The following TENM2 variants were observed in gnomAD, a reference collection of about 807,000 sequenced individuals.
The protein encoded by TENM2 is teneurin transmembrane protein 2.
A neutral mutation model predicts 245.2 loss-of-function variants in TENM2; 52 were observed. The observed-to-expected ratio is 0.21, with a 90% confidence interval of 0.17 to 0.27. TENM2 has a LOEUF of 0.27. Ranked by LOEUF, TENM2 falls within the 10% of genes least tolerant of loss-of-function variation. The pLI, the probability that TENM2 is intolerant of heterozygous loss-of-function variation, is 1.00. For synonymous variants in TENM2, 1,363 were observed against 1,438.9 expected (o/e 0.95, Z 1.19); for missense variants, 3,046 against 3,666.8 (o/e 0.83, Z 4.37).
chr5:167,954,903 T>C (rs1466765301), intron 4 of TENM2, among the ~76,000 whole-genome samples: 1 of 152,248 alleles, frequency 6.6e-6, no homozygotes, highest in Non-Finnish European at 1.5e-5. Flanking sequence ...GTCTCTGCTA[T>C]TGTGAATAGT....
At chr5:167,334,338 C>A (rs1757634439) in intron 1 of TENM2, among the ~76,000 whole-genome samples, 1 of 152,168 alleles carries the variant, frequency 6.6e-6, no homozygotes, top group Non-Finnish European at 1.5e-5. Context: ...GACTGAATGA[C>A]AGTAAAATTT....
chr5:167,390,826 A>G (rs1212709129), intron 2 of TENM2, among the ~76,000 whole-genome samples: 1 of 152,194 alleles, frequency 6.6e-6, no homozygotes, highest in Non-Finnish European at 1.5e-5. Flanking sequence ...GCTATGAACA[A>G]CAAGGCACGT....
chr5:167,929,593 G>A lies in TENM2; in HGVS notation c.713-22995G>A, dbSNP rs186797930. 1.6e-3 allele frequency among the ~76,000 whole-genome samples: 243 copies of A among 152,170 alleles called. 2 individuals carry two copies. The highest frequency in any genetic ancestry group is 6.9e-4 in the Non-Finnish European group (47 of 67,998). ...TTATTAGCATCACAATCAGGCTCAG[G>A]CATACAATAGATGCTTCATAAGTGG... On this transcript the variant is annotated intron_variant, in intron 3 of 28. Coordinates refer to ENST00000518659, the Ensembl canonical transcript of TENM2.
At chr5:167,004,770 G>T in the TENM2 span, among the ~76,000 whole-genome samples, 4 of 152,148 alleles carry the variant, frequency 2.6e-5, no homozygotes, top group Non-Finnish European at 5.9e-5. Context: ...GCTCCACTGG[G>T]TTAGAAGGGC....
intron 2 of TENM2, among the ~76,000 whole-genome samples, chr5:167,825,477 T>G (rs1334272788): frequency 6.6e-6 from 1 of 152,188 alleles, no homozygotes; most frequent in Non-Finnish European, 1.5e-5. Context: ...GAAGGGAGGC[T>G]GGGGAGGATG....
chr5:166,979,198 CAGCAGCAGCAGCAGCAGCAG>C, the TENM2 span, among the ~76,000 whole-genome samples: 6 of 38,894 alleles, frequency 1.5e-4, no homozygotes, highest in Admixed American at 6.1e-4. Flanking sequence ...CCACCACCAG[CAGCAGCAGCAGCAGCAGCAG>C]CAGCAGCAGC....
chr5:167,495,101 G>A (rs1035431796), intron 2 of TENM2, among the ~76,000 whole-genome samples: 2 of 152,012 alleles, frequency 1.3e-5, no homozygotes, highest in Non-Finnish European at 2.9e-5. Context: ...AAGGCCTCAA[G>A]ATCAAAATTT....
chr5:167,595,165 C>T (rs1170067476), intron 2 of TENM2, among the ~76,000 whole-genome samples: 3 of 152,116 alleles, frequency 2.0e-5, no homozygotes, highest in Non-Finnish European at 4.4e-5. Flanking sequence ...CTCAAGACAG[C>T]CTCTCACTTA....
At chr5:167,864,924 AT>A (rs1212426883) in intron 2 of TENM2, among the ~76,000 whole-genome samples, 2 of 152,254 alleles carry the variant, frequency 1.3e-5, no homozygotes, top group African/African-American at 4.8e-5. Context: ...AGAAGTGAAC[AT>A]AAAAATGAGT....
the TENM2 span, among the ~76,000 whole-genome samples, chr5:167,139,497 G>T: frequency 6.6e-6 from 1 of 152,224 alleles, no homozygotes; most frequent in Non-Finnish European, 1.5e-5. Context: ...ACTCTAAACT[G>T]CAAACAAATT....
chr5:167,694,712 C>T (rs552890072), intron 2 of TENM2, among the ~76,000 whole-genome samples: 27 of 152,120 alleles, frequency 1.8e-4, no homozygotes, highest in Non-Finnish European at 3.5e-4. Context: ...AGCTCTTAAT[C>T]TCTTGGTGTG....
At chr5:167,786,741 ACT>A (rs1389519314) in intron 2 of TENM2, among the ~76,000 whole-genome samples, 1 of 152,066 alleles carries the variant, frequency 6.6e-6, no homozygotes, top group African/African-American at 2.4e-5. Flanking sequence ...TCCACTTCAC[ACT>A]CTGTTTGTTC....
chr5:167,145,977 G>C, the TENM2 span, among the ~76,000 whole-genome samples: 1 of 152,038 alleles, frequency 6.6e-6, no homozygotes, highest in Non-Finnish European at 1.5e-5. Context: ...CCTCTGTCCT[G>C]GGGTGGAACT....
intron 2 of TENM2, among the ~76,000 whole-genome samples, chr5:167,770,888 G>A (rs1202368126): frequency 6.6e-6 from 1 of 152,094 alleles, no homozygotes; most frequent in East Asian, 1.9e-4. Flanking sequence ...CCACTGGGGA[G>A]GACCATGGCT....
chr5:167,462,607 C>T (rs1432539088), intron 2 of TENM2, among the ~76,000 whole-genome samples: 2 of 152,070 alleles, frequency 1.3e-5, no homozygotes, highest in African/African-American at 2.4e-5. Context: ...TATGATCTTC[C>T]CATGGCCAAT....
At chr5:167,176,192 T>C in the TENM2 span, among the ~76,000 whole-genome samples, 1 of 152,232 alleles carries the variant, frequency 6.6e-6, no homozygotes, top group African/African-American at 2.4e-5. Flanking sequence ...TAGAATATTC[T>C]CTGTAGGAAC....
intron 5 of TENM2, among the ~76,000 whole-genome samples, chr5:168,037,153 T>C (rs760131534): frequency 6.6e-5 from 10 of 152,190 alleles, no homozygotes; most frequent in Non-Finnish European, 1.3e-4. Context: ...TCAAATCCAA[T>C]TTGCTAATAC....
At chr5:168,153,684 G>A (rs1247607660) in intron 12 of TENM2, among the ~76,000 whole-genome samples, 1 of 152,218 alleles carries the variant, frequency 6.6e-6, no homozygotes, top group African/African-American at 2.4e-5. Context: ...GAAAGCAGAG[G>A]CTTTCACATT....
chr5:166,998,061 T>C, the TENM2 span, among the ~76,000 whole-genome samples: 2 of 152,150 alleles, frequency 1.3e-5, no homozygotes, highest in Non-Finnish European at 2.9e-5. Flanking sequence ...AGAAGACTTC[T>C]TAAAATGTAT....
Sources: gnomAD v4.1 joint callset for allele counts (sites outside exome capture counted in the v4.1 genomes callset) on GRCh38, gnomAD v4.1.1 for gene constraint, MANE v1.5 for transcripts, NCBI Gene and HGNC (gene_info 2026-07-23, HGNC 2026-07-21) for gene names.